GAK: variants seen among roughly 807,000 people sequenced by gnomAD.
GAK encodes cyclin G associated kinase.
Under a neutral mutation model 143.9 loss-of-function variants are expected in GAK, and 79 were observed. That is an observed-to-expected ratio of 0.55 (90% CI 0.46 to 0.66). The LOEUF is 0.66. GAK is among the 30% of genes least tolerant of loss of function. The probability of loss-of-function intolerance (pLI) is 0.00; values close to 1 mark genes in which losing one functional copy is unlikely to be tolerated. For missense variants in GAK, 1,693 were observed against 1,779.7 expected, an observed-to-expected ratio of 0.95 and a Z score of 0.88; for synonymous variants, 881 against 765.5, an observed-to-expected ratio of 1.15 and a Z score of -2.49.
chr4:866,115 C>G (rs1048711645), intron 22 of GAK, among the ~76,000 whole-genome samples: 3 of 152,264 alleles, frequency 2.0e-5, no homozygotes, highest in Admixed American at 6.5e-5. Context: ...CAGTCACAGA[C>G]GACTGAGGCA....
chr4:911,647 C>A (rs1219066470), intron 4 of GAK, 26 bp downstream of exon 4: 2 of 1,562,288 alleles, frequency 1.3e-6, no homozygotes, highest in South Asian at 2.2e-5. Flanking sequence ...TTAGATGGCA[C>A]CAAGCCGGCC....
intron 25 of GAK, 21 bp from the exon 26 acceptor site, chr4:851,105 T>C (rs571673439): frequency 6.2e-7 from 1 of 1,609,650 alleles, no homozygotes; most frequent in East Asian, 2.2e-5. Flanking sequence ...ACAGAAACTT[T>C]TTTTTGTTTG....
chr4:892,355 G>C (rs1484733850), intron 9 of GAK, among the ~76,000 whole-genome samples: 1 of 152,188 alleles, frequency 6.6e-6, no homozygotes, highest in Non-Finnish European at 1.5e-5. Flanking sequence ...TGCGTGTCCT[G>C]ACTGGGCCCT....
At chr4:907,874 C>G (rs1224169383) in intron 4 of GAK, among the ~76,000 whole-genome samples, 2 of 152,146 alleles carry the variant, frequency 1.3e-5, no homozygotes, top group African/African-American at 4.8e-5. Context: ...AGTGAGCTGG[C>G]GCGCGCATGC....
chr4:905,546 CCGCCACGCCCCAGGCCATGCTACGGACTT>C (rs1369988516), intron 4 of GAK, among the ~76,000 whole-genome samples: 7 of 146,356 alleles, frequency 4.8e-5, no homozygotes, highest in African/African-American at 1.9e-4. Flanking sequence ...GCTACGGACT[CCGCCACGCCCCAGGCCATGCTACGGACTT>C]CGCCACGCCC....
intron 24 of GAK, among the ~76,000 whole-genome samples, chr4:857,510 C>G (rs185106334): frequency 5.3e-5 from 8 of 152,272 alleles, no homozygotes; most frequent in Non-Finnish European, 7.4e-5. Context: ...TTCAAAGGAT[C>G]TACTTGATAT....
At chr4:903,619 G>A (rs1281515456) in intron 5 of GAK, among the ~76,000 whole-genome samples, 13 of 150,668 alleles carry the variant, frequency 8.6e-5, no homozygotes, top group African/African-American at 2.7e-4. Flanking sequence ...GCAGGAATGC[G>A]GGGCCTGAAC....
chr4:924,958 T>C (rs1724481925), intron 1 of GAK, among the ~76,000 whole-genome samples: 1 of 151,760 alleles, frequency 6.6e-6, no homozygotes, highest in Non-Finnish European at 1.5e-5. Context: ...GATTGGGTCA[T>C]GGGGGTGGAG....
chr4:892,524 T>C (rs1466905957), intron 9 of GAK, among the ~76,000 whole-genome samples: 2 of 152,148 alleles, frequency 1.3e-5, no homozygotes, highest in African/African-American at 4.8e-5. Context: ...CACGTGCTGC[T>C]CCCTCCCAGG....
At chr4:877,531 C>T (rs551304125) in intron 16 of GAK, 84 bp downstream of exon 16, 4 of 1,413,252 alleles carry the variant, frequency 2.8e-6, no homozygotes, top group East Asian at 2.3e-5. Flanking sequence ...GCGCCTGTCC[C>T]CGGCAAGGCC....
At position 867,190 on chromosome 4, in the gene GAK, C is replaced by T. The variant is rs550901346; in HGVS notation, c.2638G>A (p.Gly880Arg). Residue 880 changes from glycine to arginine, a missense_variant, in exon 21 of 28, where the codon GGG becomes AGG. By Grantham distance (125) the Gly-to-Arg change is moderately radical. This residue lies in a region of GAK where 822 missense variants were observed against 788.7 expected (regional missense o/e 1.04). Coordinates refer to ENST00000314167, the MANE Select transcript of GAK (RefSeq NM_005255.4). ...VLPEPVPQED[G>R]VDLLGLHSEV... Reference sequence around the variant, plus strand: ...GAGTGCAGGCCCAGGAGGTCGACCCCGTCTTCCTGTGGCACAGGCTCTGGC... The same window carrying T: ...GAGTGCAGGCCCAGGAGGTCGACCCTGTCTTCCTGTGGCACAGGCTCTGGC... The T allele has an allele frequency of 6.2e-6, 10 of 1,610,386 alleles. No homozygotes were observed. The highest frequency in any genetic ancestry group is 1.7e-5 in the Admixed American group (1 of 59,786).
chr4:921,870 A>C (rs753808483), intron 1 of GAK, among the ~76,000 whole-genome samples: 1 of 152,236 alleles, frequency 6.6e-6, no homozygotes, highest in Non-Finnish European at 1.5e-5. Context: ...TGGGCAAAAG[A>C]CATGAACAGA....
intron 10 of GAK, 60 bp downstream of exon 10, chr4:890,472 G>T: frequency 4.6e-6 from 6 of 1,294,066 alleles, no homozygotes; most frequent in Non-Finnish European, 5.4e-6. Context: ...AATGTGCTGC[G>T]GGTGCCCGGG....
chr4:849,566 C>T lies in GAK; in HGVS notation c.*107G>A, dbSNP rs1421800727. The T allele has an allele frequency of 2.4e-6, 2 of 825,126 alleles. No homozygotes were observed. The highest frequency in any genetic ancestry group is 2.2e-5 in the Admixed American group (1 of 45,300). The allele number at this position is 825,126 out of a possible 1,614,324, so 51.1% of individuals were successfully genotyped here. A position where few individuals can be genotyped will look rare whatever the true frequency, so the allele number is the denominator to read the frequency against. On this transcript the variant is annotated 3_prime_UTR_variant, in exon 28 of 28. Coordinates refer to ENST00000314167, the MANE Select transcript of GAK (RefSeq NM_005255.4). ...CGGTGACCCGGGGCTCGGAGCCCCA[C>T]CCTGGCCACACCTGCTGTCGCCCAC...
intron 23 of GAK, among the ~76,000 whole-genome samples, chr4:860,782 C>A (rs898405427): frequency 3.3e-5 from 5 of 151,990 alleles, no homozygotes; most frequent in Admixed American, 2.0e-4. Context: ...CCCTGGCGCA[C>A]CTCGCACTGT....
intron 11 of GAK, chr4:887,272 C>T (rs1279412554): frequency 2.7e-5 from 4 of 148,070 alleles, no homozygotes; most frequent in Non-Finnish European, 6.0e-5. Flanking sequence ...CGCGCACTCA[C>T]GTGTACACAT....
At chr4:884,384 G>A (rs894118501) in intron 11 of GAK, 16 of 401,182 alleles carry the variant, frequency 4.0e-5, no homozygotes, top group South Asian at 1.8e-4. Flanking sequence ...GCTCTCCAGG[G>A]AGGCACGGCC....
intron 23 of GAK, 48 bp downstream of exon 23, chr4:865,074 A>G (rs1750921499): frequency 1.3e-6 from 2 of 1,549,658 alleles, no homozygotes; most frequent in South Asian, 1.1e-5. Flanking sequence ...GACGGGCCAC[A>G]GCAGCTGCAC....
At chr4:900,390 G>A (rs905453734) in intron 5 of GAK, among the ~76,000 whole-genome samples, 1 of 152,234 alleles carries the variant, frequency 6.6e-6, no homozygotes, top group Non-Finnish European at 1.5e-5. Context: ...CTGGGTTCCC[G>A]CCACGCCGCT....
Sources: gnomAD v4.1 joint callset for allele counts (sites outside exome capture counted in the v4.1 genomes callset) on GRCh38, gnomAD v4.1.1 for gene constraint, gnomAD v4.1.1 regional missense constraint, MANE v1.5 for transcripts, NCBI Gene and HGNC (gene_info 2026-07-23, HGNC 2026-07-21) for gene names.